EEIG1: variants seen among roughly 807,000 people sequenced by gnomAD.
The protein encoded by EEIG1 is early estrogen-induced gene 1 protein.
At chr9:127,980,192 G>T in the EEIG1 span, 1 of 1,555,366 alleles carries the variant, frequency 6.4e-7, no homozygotes, top group African/African-American at 1.4e-5. Context: ...GAGAGGGACG[G>T]GATTCCTTTC....
chr9:127,942,875 C>T, the EEIG1 span: 1 of 439,628 alleles, frequency 2.3e-6, no homozygotes, highest in Non-Finnish European at 4.2e-6. Context: ...CTGGGTCAGT[C>T]TCCAGCAGCG....
chr9:127,975,329 C>T, the EEIG1 span, among the ~76,000 whole-genome samples: 1 of 152,206 alleles, frequency 6.6e-6, no homozygotes, highest in Admixed American at 6.5e-5. Context: ...CACGCGCCCA[C>T]CAAAGACTGC....
the EEIG1 span, among the ~76,000 whole-genome samples, chr9:127,957,944 C>T: frequency 1.3e-5 from 2 of 152,134 alleles, no homozygotes; most frequent in African/African-American, 2.4e-5. Flanking sequence ...ACCCAGGAGG[C>T]GGAGGTTGCA....
At chr9:127,946,472 G>A in the EEIG1 span, among the ~76,000 whole-genome samples, 1 of 152,234 alleles carries the variant, frequency 6.6e-6, no homozygotes, top group Non-Finnish European at 1.5e-5. Flanking sequence ...AGGCTGGCCT[G>A]TGTGCCCATC....
chr9:127,943,089 G>C, the EEIG1 span: 3 of 1,041,158 alleles, frequency 2.9e-6, no homozygotes, highest in Admixed American at 3.5e-5. Flanking sequence ...GCATGGATGA[G>C]ATGTGGCGCA....
At chr9:127,952,806 C>T in the EEIG1 span, among the ~76,000 whole-genome samples, 1 of 152,140 alleles carries the variant, frequency 6.6e-6, no homozygotes. Context: ...TCCACCCTCC[C>T]GGGTGCAAGC....
At chr9:127,964,350 T>C in the EEIG1 span, among the ~76,000 whole-genome samples, 1 of 152,152 alleles carries the variant, frequency 6.6e-6, no homozygotes, top group African/African-American at 2.4e-5. Context: ...TGATCCAGCA[T>C]TACTGCCCAG....
At chr9:127,942,680 G>C in the EEIG1 span, 21 of 166,670 alleles carry the variant, frequency 1.3e-4, 1 homozygote, top group South Asian at 2.8e-3. Context: ...AGTCACAGGT[G>C]GCAGGATTCC....
the EEIG1 span, chr9:127,953,964 A>G: frequency 6.2e-7 from 1 of 1,610,874 alleles, no homozygotes; most frequent in Non-Finnish European, 8.5e-7. Context: ...AGGCACACAC[A>G]TCCGCGCCAG....
chr9:127,964,900 G>C, the EEIG1 span, among the ~76,000 whole-genome samples: 2 of 151,974 alleles, frequency 1.3e-5, no homozygotes, highest in Non-Finnish European at 2.9e-5. Context: ...TCAGGAGTTC[G>C]GGACCAGCCT....
chr9:127,946,112 G>A, the EEIG1 span, among the ~76,000 whole-genome samples: 176 of 152,372 alleles, frequency 1.2e-3, no homozygotes, highest in Non-Finnish European at 2.1e-3. Flanking sequence ...TCTCCAAGGA[G>A]ACGGCCTTAA....
At chr9:127,957,302 T>C in the EEIG1 span, among the ~76,000 whole-genome samples, 1 of 152,062 alleles carries the variant, frequency 6.6e-6, no homozygotes, top group Non-Finnish European at 1.5e-5. Context: ...AAGATCAATA[T>C]ACAAAAATCA....
the EEIG1 span, among the ~76,000 whole-genome samples, chr9:127,959,838 T>C: frequency 6.6e-6 from 1 of 152,202 alleles, no homozygotes; most frequent in Non-Finnish European, 1.5e-5. Context: ...TATGGCAGTG[T>C]GAGAACAGAC....
chr9:127,976,175 G>A, the EEIG1 span, among the ~76,000 whole-genome samples: 3 of 152,130 alleles, frequency 2.0e-5, no homozygotes, highest in African/African-American at 7.2e-5. This position sits in a 1 kb window ranked among gnomAD's most constrained non-coding sequence, Gnocchi z 4.1. Context: ...AGCTGCTTCC[G>A]GCCCACTGCC....
the EEIG1 span, among the ~76,000 whole-genome samples, chr9:127,957,143 C>G: frequency 2.6e-5 from 4 of 152,250 alleles, no homozygotes; most frequent in South Asian, 4.1e-4. Context: ...ATGGGAGAAT[C>G]TCTTCAACCC....
the EEIG1 span, among the ~76,000 whole-genome samples, chr9:127,951,308 T>TGCTCCAGATAC: frequency 2.0e-5 from 3 of 152,222 alleles, no homozygotes; most frequent in Non-Finnish European, 4.4e-5. Context: ...TGCCCAGCTC[T>TGCTCCAGATAC]GCTCCAGATA....
chr9:127,947,910 G>A, the EEIG1 span, among the ~76,000 whole-genome samples: 13 of 152,232 alleles, frequency 8.5e-5, no homozygotes, highest in East Asian at 2.1e-3. Flanking sequence ...CAGCCAGCAC[G>A]CACAAGGTGA....
At chr9:127,951,678 G>A in the EEIG1 span, among the ~76,000 whole-genome samples, 7 of 152,100 alleles carry the variant, frequency 4.6e-5, no homozygotes, top group South Asian at 2.1e-4. Flanking sequence ...TTAGCCGGGC[G>A]AGGTGGCGGG....
chr9:127,953,038 G>A, the EEIG1 span, among the ~76,000 whole-genome samples: 2 of 152,088 alleles, frequency 1.3e-5, no homozygotes, highest in East Asian at 1.9e-4. Flanking sequence ...GCTGAGGGAG[G>A]AGAATTGTTT....
Sources: gnomAD v4.1 joint callset for allele counts (sites outside exome capture counted in the v4.1 genomes callset) on GRCh38, gnomAD v4.1.1 for gene constraint, Gnocchi (gnomAD v3.1) non-coding constraint, MANE v1.5 for transcripts, NCBI Gene and HGNC (gene_info 2026-07-23, HGNC 2026-07-21) for gene names.